GPHN: variants seen among roughly 807,000 people sequenced by gnomAD.
GPHN encodes gephyrin.
In GPHN, 17 loss-of-function variants were observed where a neutral mutation model predicts 95.5. That is an observed-to-expected ratio of 0.18 (90% confidence interval 0.12 to 0.27). The LOEUF is 0.27. GPHN is among the 10% of genes least tolerant of loss of function. The pLI is 1.00. For synonymous variants in GPHN, 320 were observed against 322.5 expected (o/e 0.99, Z 0.08); for missense variants, 660 against 978.1 (o/e 0.67, Z 4.34).
intron 2 of GPHN, among the ~76,000 whole-genome samples, chr14:66,773,350 A>ATTT (rs2059252249): frequency 6.9e-6 from 1 of 143,946 alleles, no homozygotes; most frequent in African/African-American, 2.7e-5. Flanking sequence ...ATTTGGGGAA[A>ATTT]TCTTTTTTTT....
At chr14:66,890,587 C>G (rs981372448) in intron 5 of GPHN, among the ~76,000 whole-genome samples, 2 of 151,938 alleles carry the variant, frequency 1.3e-5, no homozygotes, top group Non-Finnish European at 2.9e-5. Context: ...TTATGAATGG[C>G]AGCATTGGTC....
chr14:67,518,506 C>T, the GPHN span, among the ~76,000 whole-genome samples: 15 of 152,198 alleles, frequency 9.9e-5, no homozygotes, highest in Admixed American at 3.3e-4. Context: ...GGCCCCGCCA[C>T]GGTAGGCAGT....
At chr14:67,316,691 A>G in the GPHN span, 6 of 570,820 alleles carry the variant, frequency 1.1e-5, no homozygotes, top group Non-Finnish European at 1.8e-5. Flanking sequence ...CATAGCTGAC[A>G]TTACTCCTGT....
At chr14:67,520,763 A>G in the GPHN span, among the ~76,000 whole-genome samples, 1 of 152,252 alleles carries the variant, frequency 6.6e-6, no homozygotes, top group Non-Finnish European at 1.5e-5. Flanking sequence ...ATTAAGAATA[A>G]AGCTGCTATA....
At chr14:67,036,621 G>A (rs2074440752) in intron 10 of GPHN, among the ~76,000 whole-genome samples, 1 of 150,162 alleles carries the variant, frequency 6.7e-6, no homozygotes, top group Admixed American at 6.7e-5. Flanking sequence ...AAAATCAATT[G>A]CATTTTTATA....
At chr14:67,417,100 T>A in the GPHN span, among the ~76,000 whole-genome samples, 5 of 152,226 alleles carry the variant, frequency 3.3e-5, no homozygotes, top group Admixed American at 3.3e-4. Context: ...TCTTTCATCA[T>A]AGAGCAGTAC....
chr14:66,841,473 CTTA>C (rs1251470785), intron 4 of GPHN, among the ~76,000 whole-genome samples: 1 of 152,044 alleles, frequency 6.6e-6, no homozygotes, highest in Non-Finnish European at 1.5e-5. Context: ...ATGACAGTGG[CTTA>C]GACCAATGAT....
chr14:66,895,233 A>C (rs2064772156), intron 5 of GPHN, among the ~76,000 whole-genome samples: 1 of 152,136 alleles, frequency 6.6e-6, no homozygotes, highest in Non-Finnish European at 1.5e-5. Flanking sequence ...CTGGAAACCA[A>C]CATTCTCATC....
At chr14:66,842,594 C>G in intron 4 of GPHN, 1 of 896,256 alleles carries the variant, frequency 1.1e-6, no homozygotes, top group Non-Finnish European at 1.7e-6. Context: ...TTTCCCTGAA[C>G]CAGTTTGTAC....
intron 10 of GPHN, among the ~76,000 whole-genome samples, chr14:67,057,353 C>G (rs1404212490): frequency 6.6e-6 from 1 of 150,734 alleles, no homozygotes; most frequent in African/African-American, 2.5e-5. Flanking sequence ...GAAAACCAAA[C>G]ACTGCATGTT....
chr14:66,632,147 G>A (rs1462999712), intron 1 of GPHN, among the ~76,000 whole-genome samples: 1 of 152,150 alleles, frequency 6.6e-6, no homozygotes, highest in Non-Finnish European at 1.5e-5. Flanking sequence ...AGAGGGGAGA[G>A]CAATGTTTCA....
the GPHN span, chr14:67,320,125 A>G: frequency 1.0e-6 from 1 of 983,364 alleles, no homozygotes; most frequent in Non-Finnish European, 1.5e-6. Context: ...TGTAATGACA[A>G]TAAATTGTGC....
At chr14:67,575,293 T>C in the GPHN span, 20 of 696,570 alleles carry the variant, frequency 2.9e-5, 1 homozygote, top group East Asian at 3.3e-4. Context: ...ATCTCTACCA[T>C]AGGTCAAATC....
intron 1 of GPHN, among the ~76,000 whole-genome samples, chr14:66,553,818 T>A (rs2140204132): frequency 6.6e-6 from 1 of 152,204 alleles, no homozygotes; most frequent in African/African-American, 2.4e-5. Context: ...CTCATGATCC[T>A]CCTGCCTCGG....
intron 3 of GPHN, among the ~76,000 whole-genome samples, chr14:66,783,956 G>A (rs1406347086): frequency 6.6e-6 from 1 of 152,046 alleles, no homozygotes; most frequent in African/African-American, 2.4e-5. Flanking sequence ...AATACCAAAT[G>A]TCCTAGGTGA....
chr14:67,316,984 C>G, the GPHN span: 1 of 1,063,166 alleles, frequency 9.4e-7, no homozygotes, highest in Non-Finnish European at 1.4e-6. Context: ...ATATTAGAAC[C>G]GTGAAGAAGT....
the GPHN span, among the ~76,000 whole-genome samples, chr14:67,599,747 G>A: frequency 1.3e-5 from 2 of 152,186 alleles, no homozygotes; most frequent in African/African-American, 4.8e-5. Flanking sequence ...GTTTTAGGCC[G>A]TCGCGCAAGA....
chr14:66,545,983 T>G (rs2059575807), intron 1 of GPHN, among the ~76,000 whole-genome samples: 4 of 132,540 alleles, frequency 3.0e-5, no homozygotes, highest in African/African-American at 8.5e-5. Context: ...ACGGGGCGGC[T>G]TCGGGGGGGA....
chr14:67,373,207 C>T, the GPHN span, among the ~76,000 whole-genome samples: 2 of 152,052 alleles, frequency 1.3e-5, no homozygotes, highest in African/African-American at 4.8e-5. Context: ...AAACTTGTGT[C>T]CAGTTTTTAG....
Sources: gnomAD v4.1 joint callset for allele counts (sites outside exome capture counted in the v4.1 genomes callset) on GRCh38, gnomAD v4.1.1 for gene constraint, MANE v1.5 for transcripts, NCBI Gene and HGNC (gene_info 2026-07-23, HGNC 2026-07-21) for gene names.